NRXN1: variants seen among roughly 807,000 people sequenced by gnomAD.
NRXN1 encodes neurexin 1.
Under a neutral mutation model 150.9 loss-of-function variants are expected in NRXN1, and 39 were observed. The observed-to-expected ratio is 0.26, with a 90% confidence interval of 0.20 to 0.34. The LOEUF is 0.34. Among genes scored for constraint, NRXN1 ranks in the 10% least tolerant of loss-of-function variants. The pLI is 1.00. For synonymous variants in NRXN1, 924 were observed against 757.0 expected, an observed-to-expected ratio of 1.22 and a Z score of -3.62; for missense variants, 1,815 against 1,949.9, an observed-to-expected ratio of 0.93 and a Z score of 1.30.
intron 12 of NRXN1, among the ~76,000 whole-genome samples, chr2:50,523,525 A>C (rs2092855887): frequency 6.6e-6 from 1 of 152,210 alleles, no homozygotes; most frequent in Non-Finnish European, 1.5e-5. Flanking sequence ...CTCAAATGGC[A>C]GCCTGATCAA....
intron 21 of NRXN1, among the ~76,000 whole-genome samples, chr2:49,998,062 T>A (rs1019431106): frequency 1.3e-5 from 2 of 152,098 alleles, no homozygotes; most frequent in Admixed American, 1.3e-4. Flanking sequence ...TGCCATGATG[T>A]TTAGCCATCA....
intron 2 of NRXN1, among the ~76,000 whole-genome samples, chr2:50,956,354 G>A (rs912842319): frequency 2.0e-4 from 30 of 152,160 alleles, no homozygotes; most frequent in African/African-American, 7.2e-4. Context: ...TCCACTGGGG[G>A]GCCTTGGAAC....
intron 2 of NRXN1, among the ~76,000 whole-genome samples, chr2:50,953,556 A>AT (rs1338336889): frequency 4.1e-3 from 578 of 139,660 alleles, no homozygotes; most frequent in African/African-American, 6.5e-3. Flanking sequence ...TCAAGTGACA[A>AT]TTTTTTTTTT....
chr2:50,779,714 G>A lies in NRXN1; in HGVS notation c.832+142155C>T, dbSNP rs186563121. On this transcript the variant is annotated intron_variant, in intron 5 of 22. Transcript: ENST00000401669. ...ACCTGGGAGGTGGAGCTTGCAGTGA[G>A]CTGAGATCGCGCCACTGCACTCCAG... 1.3e-3 allele frequency among the ~76,000 whole-genome samples: 192 copies of A among 152,270 alleles called. 1 individual carries two copies. The highest frequency in any genetic ancestry group is 4.5e-3 in the African/African-American group (187 of 41,544).
chr2:50,927,281 T>G (rs1040994708), intron 2 of NRXN1, among the ~76,000 whole-genome samples: 3 of 152,022 alleles, frequency 2.0e-5, no homozygotes, highest in Admixed American at 2.0e-4. Context: ...GTTTAAAACA[T>G]TTCAGCTGAA....
chr2:50,455,138 A>T (rs560551118), intron 17 of NRXN1, among the ~76,000 whole-genome samples: 3 of 152,336 alleles, frequency 2.0e-5, no homozygotes, highest in Admixed American at 2.0e-4. Context: ...GTTGTCGCAT[A>T]AGATTGTGGA....
chr2:50,333,899 A>G lies in NRXN1; in HGVS notation c.3365-96929T>C, dbSNP rs187940439. On this transcript the variant is annotated intron_variant, in intron 17 of 22. Transcript: ENST00000401669. ...TATTGTGAATGAGGAGGCTGACTGA[A>G]TGAAATTGTGTAAAAACAGAAAGTC... Among the ~76,000 whole-genome samples, 6 of 152,182 alleles carry G rather than the reference A, an allele frequency of 3.9e-5. No homozygotes were observed. In the East Asian group the frequency reaches 1.2e-3, roughly 30 times the overall value.
rs200988069 is a variant in NRXN1 at position 51,028,505 on chromosome 2, A to G, written c.-232T>C. On this transcript the variant is annotated 5_prime_UTR_variant, in exon 2 of 23. Coordinates refer to ENST00000401669, the MANE Select transcript of NRXN1 (RefSeq NM_001330078.2). ...ACTGGAAAACGTTGACCCCAGTGGT[A>G]CAGGGTAGCCACAGAACTTCCAGAC... 374 of 412,066 alleles carry G rather than the reference A, an allele frequency of 9.1e-4. No homozygotes were observed. The highest frequency in any genetic ancestry group is 3.8e-3 in the Middle Eastern group (6 of 1,598). The allele number at this position is 412,066 out of a possible 1,614,324, so 25.5% of individuals were successfully genotyped here.
At chr2:50,833,274 T>A (rs572348972) in intron 5 of NRXN1, among the ~76,000 whole-genome samples, 1 of 152,342 alleles carries the variant, frequency 6.6e-6, no homozygotes, top group South Asian at 2.1e-4. Context: ...AGTTTGGCAG[T>A]ATCCTATAAA....
rs34096569 is a variant in NRXN1 at position 50,666,879 on chromosome 2, A to ATGTGTGTG, written c.833-43272_833-43265dup. Among the ~76,000 whole-genome samples, 123 of 107,840 alleles carry ATGTGTGTG rather than the reference A, an allele frequency of 1.1e-3. No homozygotes were observed. In the Middle Eastern group the frequency reaches 0.015, roughly 13 times the overall value. 70.7% of individuals were successfully genotyped at this position (107,840 alleles called of 152,430 possible). ...GATGATGATGATGATGATGATGATG[A>ATGTGTGTG]TGTGTGTGTGTGTGTGTGTGTGTGT... On this transcript the variant is annotated intron_variant, in intron 5 of 22. Transcript: ENST00000401669.
At chr2:50,614,640 A>AATATAT (rs67833688) in intron 8 of NRXN1, among the ~76,000 whole-genome samples, 1 of 143,332 alleles carries the variant, frequency 7.0e-6, no homozygotes, top group African/African-American at 2.6e-5. Flanking sequence ...GTATAATAAA[A>AATATAT]ATATATATAT....
At chr2:49,935,454 T>A (rs1334794976) in intron 22 of NRXN1, among the ~76,000 whole-genome samples, 1 of 152,202 alleles carries the variant, frequency 6.6e-6, no homozygotes, top group African/African-American at 2.4e-5. Context: ...CCTGGAAATG[T>A]AAAGTATTCT....
chr2:51,000,469 A>G (rs1001084188), intron 2 of NRXN1, among the ~76,000 whole-genome samples: 8 of 151,986 alleles, frequency 5.3e-5, no homozygotes, highest in African/African-American at 1.9e-4. Flanking sequence ...AGCAAAATCC[A>G]AGAACACATT....
At chr2:50,348,512 G>A (rs1165223516) in intron 17 of NRXN1, among the ~76,000 whole-genome samples, 1 of 152,180 alleles carries the variant, frequency 6.6e-6, no homozygotes, top group Non-Finnish European at 1.5e-5. Context: ...TTTGCTAACA[G>A]TGGAACTCCT....
At chr2:50,705,689 A>C (rs1034725028) in intron 5 of NRXN1, among the ~76,000 whole-genome samples, 4 of 152,194 alleles carry the variant, frequency 2.6e-5, no homozygotes, top group African/African-American at 9.6e-5. Flanking sequence ...AATCAGTTGC[A>C]GCTTCAACCT....
chr2:50,636,882 T>C (rs902991611), intron 5 of NRXN1, among the ~76,000 whole-genome samples: 1 of 152,186 alleles, frequency 6.6e-6, no homozygotes, highest in Non-Finnish European at 1.5e-5. Flanking sequence ...ATTGCAAATA[T>C]ACGCATAGAA....
At chr2:50,205,488 G>C (rs1343300830) in intron 18 of NRXN1, among the ~76,000 whole-genome samples, 1 of 151,988 alleles carries the variant, frequency 6.6e-6, no homozygotes, top group Non-Finnish European at 1.5e-5. Flanking sequence ...ATACATTATA[G>C]TTCATTTGAA....
intron 18 of NRXN1, among the ~76,000 whole-genome samples, chr2:50,126,820 G>T (rs1464671588): frequency 1.3e-5 from 2 of 152,010 alleles, no homozygotes; most frequent in Non-Finnish European, 2.9e-5. Context: ...AAAAAGACAG[G>T]ATGGGAAGAT....
chr2:50,519,543 G>A (rs545003663), intron 12 of NRXN1, among the ~76,000 whole-genome samples: 48 of 151,950 alleles, frequency 3.2e-4, no homozygotes, highest in Non-Finnish European at 5.7e-4. Flanking sequence ...TTTATCTGAA[G>A]AGACAGTGTG....
Sources: allele counts gnomAD v4.1 joint callset (sites outside exome capture counted in the v4.1 genomes callset), GRCh38; gene constraint gnomAD v4.1.1; transcripts MANE v1.5; gene names NCBI Gene and HGNC (gene_info 2026-07-23, HGNC 2026-07-21).